Variants in NREP observed in about 807,000 individuals in gnomAD.
NREP encodes neuronal regeneration related protein, also known as neuronal regeneration-related protein.
In NREP, 5 loss-of-function variants were observed where a neutral mutation model predicts 8.6. The observed-to-expected ratio is 0.58, with a 90% CI of 0.30 to 1.22. NREP has a LOEUF of 1.22. Among genes scored for constraint, NREP ranks in the 50% most tolerant of loss-of-function variants. The probability of loss-of-function intolerance (pLI) is 0.07; values close to 1 mark genes in which losing one functional copy is unlikely to be tolerated. For missense variants in NREP, 86 were observed against 82.5 expected (o/e 1.04, Z -0.17); for synonymous variants, 27 against 28.0 (o/e 0.96, Z 0.11).
At chr5:111,877,874 G>A (rs1408093410) in intron 2 of NREP, among the ~76,000 whole-genome samples, 2 of 152,166 alleles carry the variant, frequency 1.3e-5, no homozygotes, top group East Asian at 3.8e-4. Flanking sequence ...AGTGTTACCA[G>A]GTACCACACA....
At chr5:111,741,155 G>C (rs1417139006) in intron 2 of NREP, among the ~76,000 whole-genome samples, 1 of 152,156 alleles carries the variant, frequency 6.6e-6, no homozygotes, top group African/African-American at 2.4e-5. Context: ...AACAGGATGG[G>C]TATGCGTATC....
chr5:111,943,281 C>T (rs1257183446), intron 2 of NREP, among the ~76,000 whole-genome samples: 1 of 152,010 alleles, frequency 6.6e-6, no homozygotes, highest in Non-Finnish European at 1.5e-5. Flanking sequence ...CATTGAACTC[C>T]CTATACATCT....
chr5:111,752,067 G>A (rs1200200823), intron 2 of NREP, among the ~76,000 whole-genome samples: 1 of 152,170 alleles, frequency 6.6e-6, no homozygotes, highest in Non-Finnish European at 1.5e-5. Context: ...TGGTTTAGCA[G>A]AGTATTCATA....
intron 2 of NREP, among the ~76,000 whole-genome samples, chr5:111,866,740 C>T (rs1264453242): frequency 2.6e-5 from 4 of 152,048 alleles, no homozygotes; most frequent in Non-Finnish European, 5.9e-5. Context: ...GACTTGGAAC[C>T]AACCCAAATG....
chr5:111,750,525 T>C (rs914555607), intron 2 of NREP, among the ~76,000 whole-genome samples: 2 of 152,212 alleles, frequency 1.3e-5, no homozygotes, highest in Admixed American at 6.5e-5. Flanking sequence ...GTGATGGAGA[T>C]AGCCATATTC....
intron 2 of NREP, among the ~76,000 whole-genome samples, chr5:111,873,050 C>A (rs1753825493): frequency 6.6e-6 from 1 of 152,106 alleles, no homozygotes; most frequent in Non-Finnish European, 1.5e-5. Flanking sequence ...AGCTACTAAG[C>A]CTTCATTTGG....
chr5:111,836,664 A>G (rs1485160422), intron 2 of NREP, among the ~76,000 whole-genome samples: 3 of 151,988 alleles, frequency 2.0e-5, no homozygotes, highest in African/African-American at 7.2e-5. Context: ...AGGGAGAGAG[A>G]GCATTCTAAA....
chr5:111,776,137 T>C (rs1017939873), intron 2 of NREP, among the ~76,000 whole-genome samples: 37 of 152,166 alleles, frequency 2.4e-4, no homozygotes, highest in Non-Finnish European at 7.4e-5. Flanking sequence ...AGCAATTTGG[T>C]CATATAGACT....
At chr5:111,903,816 T>C (rs1343111383) in intron 2 of NREP, among the ~76,000 whole-genome samples, 2 of 152,160 alleles carry the variant, frequency 1.3e-5, no homozygotes, top group Non-Finnish European at 2.9e-5. Flanking sequence ...CAAAATATTG[T>C]TCACCAAGCA....
chr5:111,793,843 G>C (rs1448601753), intron 2 of NREP, among the ~76,000 whole-genome samples: 1 of 152,160 alleles, frequency 6.6e-6, no homozygotes, highest in Non-Finnish European at 1.5e-5. Flanking sequence ...AAGATACCTT[G>C]AAGCCAGGGG....
At chr5:111,971,917 C>A (rs1438229562) in intron 2 of NREP, among the ~76,000 whole-genome samples, 1 of 151,578 alleles carries the variant, frequency 6.6e-6, no homozygotes, top group Non-Finnish European at 1.5e-5. Context: ...ATAAAAACAT[C>A]TGCACAAAAA....
intron 2 of NREP, among the ~76,000 whole-genome samples, chr5:111,747,031 A>C (rs761797234): frequency 2.0e-5 from 3 of 152,154 alleles, no homozygotes; most frequent in African/African-American, 7.2e-5. Context: ...GCAAATGAGC[A>C]CAAGAACAGA....
At chr5:111,797,835 A>G (rs867769481) in intron 2 of NREP, among the ~76,000 whole-genome samples, 2 of 152,320 alleles carry the variant, frequency 1.3e-5, no homozygotes, top group South Asian at 4.1e-4. Flanking sequence ...TAATAGCATG[A>G]GGTAGATTTT....
chr5:111,729,970 G>A lies in NREP; in HGVS notation c.*951C>T, dbSNP rs575314112. ...TTAAAACGGTTTTGCTCTTTTTTTC[G>A]ACAAATATCCTTTCAAACAGAAAGA... is the stretch of plus-strand genomic sequence containing the variant. On this transcript the variant is annotated 3_prime_UTR_variant, in exon 4 of 4. Coordinates refer to ENST00000257435, the MANE Select transcript of NREP (RefSeq NM_004772.4). The A allele has an allele frequency of 2.0e-5, 3 of 147,926 alleles. No individual in the cohort carries two copies. The highest frequency in any genetic ancestry group is 2.0e-4 in the East Asian group (1 of 5,090). The allele number at this position is 147,926 out of a possible 1,614,324, so 9.2% of individuals were successfully genotyped here.
intron 2 of NREP, among the ~76,000 whole-genome samples, chr5:111,947,945 C>T (rs989203628): frequency 6.6e-6 from 1 of 152,078 alleles, no homozygotes; most frequent in Admixed American, 6.6e-5. Context: ...AGTTCACACG[C>T]TATATTCTAC....
At chr5:111,753,784 A>G (rs1458949354) in intron 2 of NREP, among the ~76,000 whole-genome samples, 2 of 152,208 alleles carry the variant, frequency 1.3e-5, no homozygotes, top group African/African-American at 4.8e-5. Context: ...AGCCAGTTAC[A>G]GAGGTCCACA....
chr5:111,848,429 G>GAC (rs1477208489), intron 2 of NREP, among the ~76,000 whole-genome samples: 1 of 144,510 alleles, frequency 6.9e-6, no homozygotes, highest in African/African-American at 2.9e-5. Context: ...TGCCTACATG[G>GAC]AGAGTTTTTT....
At chr5:111,917,599 T>C (rs1272427372) in intron 2 of NREP, among the ~76,000 whole-genome samples, 3 of 152,102 alleles carry the variant, frequency 2.0e-5, no homozygotes, top group Non-Finnish European at 4.4e-5. Flanking sequence ...ACAGAACCAA[T>C]GATAAAACCA....
At chr5:111,815,128 AAACCGG>A (rs1450227334) in intron 2 of NREP, among the ~76,000 whole-genome samples, 4 of 152,180 alleles carry the variant, frequency 2.6e-5, no homozygotes, top group Non-Finnish European at 4.4e-5. Flanking sequence ...AACCTAACAG[AAACCGG>A]CTAGACTATA....
Sources: gnomAD v4.1 joint callset for allele counts (sites outside exome capture counted in the v4.1 genomes callset) on GRCh38, gnomAD v4.1.1 for gene constraint, MANE v1.5 for transcripts, NCBI Gene and HGNC (gene_info 2026-07-23, HGNC 2026-07-21) for gene names.